Variants in TLK1 observed in about 807,000 individuals in gnomAD.
TLK1 encodes serine/threonine-protein kinase tousled-like 1.
In TLK1, 24 loss-of-function variants were observed where a neutral mutation model predicts 105.3. The observed-to-expected ratio is 0.23, with a 90% CI of 0.17 to 0.32. The LOEUF (loss-of-function observed/expected upper bound fraction) is 0.32, where lower values mean the gene tolerates loss of function less well. TLK1 is among the 10% of genes least tolerant of loss of function. The pLI is 1.00. For synonymous variants in TLK1, 321 were observed against 310.4 expected (o/e 1.03, Z -0.36); for missense variants, 558 against 910.5 (o/e 0.61, Z 4.98).
Position 171,046,098 on chromosome 2 carries a change from T to C in TLK1, c.1169+76A>G, listed in dbSNP as rs970003154. On this transcript the variant is annotated intron_variant, in intron 11 of 20. Transcript: ENST00000431350. ...ATTTTTGCTATCTAAGTATTAATTA[T>C]AAATAACATCCATTAGTAACATTCA... The C allele has an allele frequency of 7.1e-6, 9 of 1,268,118 alleles. No homozygotes were observed. The Admixed American group carries it at 1.1e-4, about 15-fold the overall frequency. 78.6% of individuals were successfully genotyped at this position (1,268,118 alleles called of 1,614,324 possible).
chr2:171,223,236 A>G (rs190721074), intron 1 of TLK1, among the ~76,000 whole-genome samples: 1 of 152,322 alleles, frequency 6.6e-6, no homozygotes, highest in Non-Finnish European at 1.5e-5. Context: ...TGTTTGCCAT[A>G]GTGATTGTAC....
intron 13 of TLK1, among the ~76,000 whole-genome samples, chr2:171,011,734 T>C (rs1002148172): frequency 6.6e-6 from 1 of 152,194 alleles, no homozygotes; most frequent in East Asian, 1.9e-4. Context: ...AATTACTGCA[T>C]TGCCAAGAGC....
intron 1 of TLK1, among the ~76,000 whole-genome samples, chr2:171,191,550 C>T (rs1693154646): frequency 6.6e-6 from 1 of 152,170 alleles, no homozygotes; most frequent in Admixed American, 6.5e-5. Context: ...AGATACCCAC[C>T]CCTTTCTCCT....
intron 2 of TLK1, among the ~76,000 whole-genome samples, chr2:171,107,681 A>G (rs564684878): frequency 3.8e-4 from 58 of 152,328 alleles, no homozygotes; most frequent in Non-Finnish European, 5.0e-4. Flanking sequence ...AGATCTCTAA[A>G]GTGACCATGC....
chr2:171,154,828 A>G (rs1692172396), intron 1 of TLK1, among the ~76,000 whole-genome samples: 1 of 152,220 alleles, frequency 6.6e-6, no homozygotes. Context: ...AAATGCAACA[A>G]GTACATGAGG....
Position 171,062,599 on chromosome 2 carries a change from C to T in TLK1, c.331-1443G>A, listed in dbSNP as rs1372253086. Among the ~76,000 whole-genome samples the T allele has an allele frequency of 1.2e-4, 18 of 152,274 alleles. No individual in the cohort carries two copies. The East Asian group carries it at 3.5e-3, about 29-fold the overall frequency. On this transcript the variant is annotated intron_variant, in intron 3 of 20. Coordinates refer to ENST00000431350, the MANE Select transcript of TLK1 (RefSeq NM_012290.5). ...ACCCTCTTACCCCACCCCTAGCATA[C>T]AGTTATTACTTGATAAATACATGCA...
chr2:171,066,475 T>G (rs557612104), intron 3 of TLK1, among the ~76,000 whole-genome samples: 18 of 152,304 alleles, frequency 1.2e-4, no homozygotes, highest in Admixed American at 1.2e-3. Flanking sequence ...CTCATACATT[T>G]TTGTAAAGGC....
At chr2:171,178,605 C>T (rs2105306575) in intron 1 of TLK1, among the ~76,000 whole-genome samples, 1 of 152,238 alleles carries the variant, frequency 6.6e-6, no homozygotes, top group Admixed American at 6.5e-5. Context: ...ACAACCAAAG[C>T]AACGAAGACA....
upstream of TLK1, among the ~76,000 whole-genome samples, chr2:171,161,780 T>A (rs1436273404): frequency 6.6e-6 from 1 of 152,192 alleles, no homozygotes; most frequent in Non-Finnish European, 1.5e-5. Flanking sequence ...TAACAGCATT[T>A]GCTAAAATTT....
rs915127216 is a variant in TLK1 at position 170,993,359 on chromosome 2, A to G, written c.*421T>C. 2 of 153,970 alleles carry G rather than the reference A, an allele frequency of 1.3e-5. No individual in the cohort carries two copies. The highest frequency in any genetic ancestry group is 1.5e-5 in the Non-Finnish European group (1 of 68,954). The allele number at this position is 153,970 out of a possible 1,614,324, so 9.5% of individuals were successfully genotyped here. On this transcript the variant is annotated 3_prime_UTR_variant, in exon 21 of 21. Coordinates refer to ENST00000431350, the MANE Select transcript of TLK1 (RefSeq NM_012290.5). ...AGGCACTATAGTTCGTATGTTAGAAATATGTCTCATATTTTTCCATGTGTT... is the reference window on the plus strand; with the variant it reads ...AGGCACTATAGTTCGTATGTTAGAAGTATGTCTCATATTTTTCCATGTGTT...
At chr2:171,113,272 CTTTT>C (rs767944584) in intron 2 of TLK1, among the ~76,000 whole-genome samples, 1 of 141,608 alleles carries the variant, frequency 7.1e-6, no homozygotes, top group Non-Finnish European at 1.6e-5. Context: ...CATACATATC[CTTTT>C]TTTTTTTTTT....
At chr2:171,214,577 G>A (rs1256164515) in intron 1 of TLK1, among the ~76,000 whole-genome samples, 1 of 152,092 alleles carries the variant, frequency 6.6e-6, no homozygotes, top group Non-Finnish European at 1.5e-5. Context: ...GTTAATCATT[G>A]GTTGCCAGGC....
chr2:171,134,424 GTAT>G (rs1691222478), intron 1 of TLK1, among the ~76,000 whole-genome samples: 2 of 152,272 alleles, frequency 1.3e-5, no homozygotes, highest in Middle Eastern at 3.4e-3. Flanking sequence ...AGAAAAGAAA[GTAT>G]TATTAAAATA....
chr2:171,208,984 G>A (rs1693559084), intron 1 of TLK1, among the ~76,000 whole-genome samples: 1 of 152,168 alleles, frequency 6.6e-6, no homozygotes, highest in African/African-American at 2.4e-5. Context: ...AGACAACCTT[G>A]TATAGAAGAC....
intron 1 of TLK1, among the ~76,000 whole-genome samples, chr2:171,148,336 C>T (rs954555569): frequency 6.6e-6 from 1 of 151,828 alleles, no homozygotes; most frequent in Non-Finnish European, 1.5e-5. Context: ...TTAGTGGGAA[C>T]ATAGGCAGTG....
intron 12 of TLK1, among the ~76,000 whole-genome samples, chr2:171,017,514 ATAAG>A (rs920212703): frequency 5.9e-5 from 9 of 152,026 alleles, no homozygotes; most frequent in East Asian, 1.9e-4. Flanking sequence ...TGAGTCATAA[ATAAG>A]TAAGATTCAA....
At chr2:171,051,339 G>C (rs576152793) in intron 8 of TLK1, among the ~76,000 whole-genome samples, 2 of 152,076 alleles carry the variant, frequency 1.3e-5, no homozygotes, top group South Asian at 4.2e-4. Context: ...ATTGCTATCT[G>C]CCTAGCCAAA....
At chr2:171,200,943 G>A (rs929883451) in intron 1 of TLK1, among the ~76,000 whole-genome samples, 6 of 147,764 alleles carry the variant, frequency 4.1e-5, no homozygotes, top group South Asian at 4.3e-4. Context: ...GTGCAGTGGC[G>A]CAATCTCAGC....
intron 1 of TLK1, among the ~76,000 whole-genome samples, chr2:171,134,816 G>A (rs188360406): frequency 2.3e-3 from 343 of 149,920 alleles, no homozygotes; most frequent in Non-Finnish European, 3.6e-3. Flanking sequence ...CACCTCAAGG[G>A]GTGCTTGAGG....
Sources: allele counts gnomAD v4.1 joint callset (sites outside exome capture counted in the v4.1 genomes callset), GRCh38; gene constraint gnomAD v4.1.1; transcripts MANE v1.5; gene names NCBI Gene and HGNC (gene_info 2026-07-23, HGNC 2026-07-21).